The following MTHFD1 variants were observed in gnomAD, a reference collection of about 807,000 sequenced individuals.
MTHFD1 encodes C-1-tetrahydrofolate synthase, cytoplasmic.
MTHFD1 carries 44 observed loss-of-function variants against 110.3 expected under a neutral mutation model. The ratio of observed to expected loss-of-function variants is 0.40; its 90% confidence interval spans 0.31 to 0.51. The LOEUF is 0.51. Among genes scored for constraint, MTHFD1 ranks in the 20% least tolerant of loss-of-function variants. The pLI, the probability that MTHFD1 is intolerant of heterozygous loss-of-function variation, is 0.60. For synonymous variants in MTHFD1, 402 were observed against 428.8 expected (o/e 0.94, Z 0.77); for missense variants, 909 against 1,173.1 (o/e 0.77, Z 3.29).
At chr14:64,453,555 GC>G (rs1373458542) in intron 24 of MTHFD1, among the ~76,000 whole-genome samples, 198 bp from the exon 25 acceptor site, 3 of 152,262 alleles carry the variant, frequency 2.0e-5, no homozygotes, top group African/African-American at 7.2e-5. Flanking sequence ...TGGCAACAGA[GC>G]GAAACTCCGT....
chr14:64,422,178 G>A (rs2078079840), intron 8 of MTHFD1, among the ~76,000 whole-genome samples: 1 of 152,008 alleles, frequency 6.6e-6, no homozygotes, highest in Admixed American at 6.6e-5. Context: ...TACTGATCTT[G>A]GGCATATAGG....
chr14:64,426,251 T>C, intron 11 of MTHFD1, 59 bp downstream of exon 11: 1 of 1,598,568 alleles, frequency 6.3e-7, no homozygotes, highest in Non-Finnish European at 8.6e-7. Flanking sequence ...TACTAAGGCG[T>C]TGCATTTGCA....
Position 64,441,384 on chromosome 14 carries a change from G to C in MTHFD1, c.1816-1G>C. ...TGATGCTGCACACATTTGTTTTGTAGGGGGTGAGTGGTGCACTGACAGTGC... is the reference window on the plus strand; with the variant it reads ...TGATGCTGCACACATTTGTTTTGTACGGGGTGAGTGGTGCACTGACAGTGC... On this transcript the variant is annotated splice_acceptor_variant, in intron 18 of 27. Transcript: ENST00000652337. LOFTEE classifies it high-confidence loss of function. The C allele has an allele frequency of 6.2e-7, 1 of 1,613,998 alleles. No individual in the cohort carries two copies. Among genetic ancestry groups the C allele is most frequent in the Non-Finnish European group, 8.5e-7 (1 of 1,179,914 alleles).
chr14:64,401,700 C>CAAAA (rs34004524), intron 2 of MTHFD1, among the ~76,000 whole-genome samples: 1 of 138,728 alleles, frequency 7.2e-6, no homozygotes, highest in Non-Finnish European at 1.5e-5. Flanking sequence ...GATTCCGTCT[C>CAAAA]AAAAAAAAAA....
intron 13 of MTHFD1, 79 bp from the exon 14 acceptor site, chr14:64,431,453 G>T: frequency 8.2e-7 from 1 of 1,220,218 alleles, no homozygotes; most frequent in Non-Finnish European, 1.2e-6. Flanking sequence ...TTAAAATAGG[G>T]ATTGAGCTTT....
intron 2 of MTHFD1, among the ~76,000 whole-genome samples, chr14:64,403,046 A>G (rs1047759341): frequency 6.6e-6 from 1 of 152,024 alleles, no homozygotes; most frequent in Non-Finnish European, 1.5e-5. Flanking sequence ...TGCAACCTTC[A>G]TCTCCCAGGC....
At chr14:64,411,190 C>T (rs756099557) in intron 3 of MTHFD1, 41 bp downstream of exon 3, 2 of 1,520,364 alleles carry the variant, frequency 1.3e-6, no homozygotes, top group Non-Finnish European at 1.8e-6. Flanking sequence ...CCCCAACCTC[C>T]ACCTGGGTCC....
intron 16 of MTHFD1, among the ~76,000 whole-genome samples, chr14:64,438,468 C>T (rs2078223394): frequency 6.6e-6 from 1 of 152,152 alleles, no homozygotes; most frequent in African/African-American, 2.4e-5. Context: ...ATACCAAAAG[C>T]CAGAACTGAG....
chr14:64,425,139 T>C (rs1226280342), intron 9 of MTHFD1, among the ~76,000 whole-genome samples: 1 of 151,474 alleles, frequency 6.6e-6, no homozygotes, highest in African/African-American at 2.4e-5. Context: ...TTTTGGAATA[T>C]AATAACTTTG....
intron 4 of MTHFD1, among the ~76,000 whole-genome samples, chr14:64,414,471 T>C (rs935850337): frequency 6.6e-5 from 10 of 151,980 alleles, no homozygotes; most frequent in Middle Eastern, 3.2e-3. Flanking sequence ...TTTTATATTT[T>C]TGTAGAGACA....
In MTHFD1 at chr14:64,430,198, G is replaced by A; in HGVS notation, c.1279G>A (p.Gly427Ser). Reference protein sequence around the residue: ...TFGIKGGAAGGGYSQVIPMEE... With the variant: ...TFGIKGGAAGSGYSQVIPMEE... ...CTGTCCCCTAGGTGGCGCTGCAGGA[G>A]GCGGCTACTCCCAGGTCATTCCTAT... The change falls in exon 13 of 28, where the codon GGC becomes AGC. Residue 427 changes from glycine (G) to serine (S), a missense_variant. Physicochemically the swap from Gly to Ser is moderately conservative, Grantham distance 56. Around this residue, in one of 3 missense-constraint regions of MTHFD1, gnomAD observed 482 missense variants for 646.0 expected, o/e 0.75. Coordinates refer to ENST00000652337, the MANE Select transcript of MTHFD1 (RefSeq NM_005956.4). The A allele has an allele frequency of 6.2e-7, 1 of 1,613,718 alleles. No homozygotes were observed. The highest frequency in any genetic ancestry group is 2.2e-5 in the East Asian group (1 of 44,890).
intron 25 of MTHFD1, 44 bp downstream of exon 25, chr14:64,453,905 G>C: frequency 8.0e-7 from 1 of 1,248,226 alleles, no homozygotes; most frequent in South Asian, 1.2e-5. Flanking sequence ...TTGCAAAGCA[G>C]GACTTGGAGT....
chr14:64,453,763 G>A lies in MTHFD1; in HGVS notation c.2467G>A (p.Glu823Lys), dbSNP rs765065302. The A allele has an allele frequency of 1.2e-6, 2 of 1,604,340 alleles. No individual in the cohort carries two copies. Among genetic ancestry groups the A allele is most frequent in the East Asian group, 2.2e-5 (1 of 44,766 alleles). Residue 823 changes from glutamate (E) to lysine (K), a missense_variant, in exon 25 of 28, where the codon GAG becomes AAG. Physicochemically the swap from Glu to Lys is moderately conservative, Grantham distance 56 (BLOSUM62 1). Coordinates refer to ENST00000652337, the MANE Select transcript of MTHFD1 (RefSeq NM_005956.4). The stretch of plus-strand genomic sequence containing the variant: ...CTTTCTTGTGCATTAGCTCCCAGTT[G>A]AGGATAAAATCAGGATCATTGCACA... ...QLLYDLKLPVEDKIRIIAQKI... is the reference protein window; with the variant it reads ...QLLYDLKLPVKDKIRIIAQKI...
chr14:64,458,131 T>C (rs963704931), intron 26 of MTHFD1, 83 bp from the exon 27 acceptor site: 1 of 1,092,894 alleles, frequency 9.2e-7, no homozygotes, highest in Non-Finnish European at 1.4e-6. Flanking sequence ...CCTCAAGTGA[T>C]CCTCTCCACC....
At chr14:64,419,540 C>A (rs1171329937) in intron 7 of MTHFD1, among the ~76,000 whole-genome samples, 1 of 152,100 alleles carries the variant, frequency 6.6e-6, no homozygotes, top group Non-Finnish European at 1.5e-5. Flanking sequence ...CCTGTTTGCC[C>A]CTCTGCCTTG....
Position 64,449,094 on chromosome 14 carries a change from C to T in MTHFD1, c.2280-351C>T, listed in dbSNP as rs1456185008. ...GATTACAAGTGTGAGCCACCGCGCC[C>T]AGCCAGCAAAATTCTTAAATGCTAG... is the stretch of plus-strand genomic sequence containing the variant. On this transcript the variant is annotated intron_variant, in intron 23 of 27. Coordinates refer to ENST00000652337, the MANE Select transcript of MTHFD1 (RefSeq NM_005956.4). 10 of 359,666 alleles carry T rather than the reference C, an allele frequency of 2.8e-5. 1 individual carries two copies. The highest frequency in any genetic ancestry group is 2.3e-4 in the South Asian group (10 of 43,930). The allele number at this position is 359,666 out of a possible 1,614,324, so 22.3% of individuals were successfully genotyped here.
chr14:64,439,425 G>GA (rs1472133497), intron 17 of MTHFD1: 19 of 537,416 alleles, frequency 3.5e-5, no homozygotes, highest in Non-Finnish European at 6.4e-5. Flanking sequence ...GAATATCCTT[G>GA]CATAGAAATT....
intron 7 of MTHFD1, among the ~76,000 whole-genome samples, chr14:64,418,768 C>T (rs2078046636): frequency 6.6e-6 from 1 of 151,712 alleles, no homozygotes. Context: ...GTTGGTCAGG[C>T]CGGTCTTGAA....
In MTHFD1 at chr14:64,421,689, T is replaced by G. The variant is rs2078072651; in HGVS notation, c.727+1764T>G. 1.3e-5 allele frequency among the ~76,000 whole-genome samples: 2 copies of G among 152,032 alleles called. 1 individual carries two copies. The highest frequency in any genetic ancestry group is 4.1e-4 in the South Asian group (2 of 4,836). On this transcript the variant is annotated intron_variant, in intron 8 of 27. Transcript: ENST00000652337. Reference sequence around the variant, plus strand: ...CCCAGGCTGGAGTGCTGTGGCGCGATCTCGGCTCACTGCAAGCTCCGCCTT... The same window carrying G: ...CCCAGGCTGGAGTGCTGTGGCGCGAGCTCGGCTCACTGCAAGCTCCGCCTT...
Sources: gnomAD v4.1 joint callset for allele counts (sites outside exome capture counted in the v4.1 genomes callset) on GRCh38, gnomAD v4.1.1 for gene constraint, gnomAD v4.1.1 regional missense constraint, MANE v1.5 for transcripts, NCBI Gene and HGNC (gene_info 2026-07-23, HGNC 2026-07-21) for gene names.